Variants in CDH18 observed in about 807,000 individuals in gnomAD.
CDH18 encodes the protein cadherin 18.
CDH18 carries 31 observed loss-of-function variants against 67.9 expected under a neutral mutation model. That is an observed-to-expected ratio of 0.46 (90% CI 0.34 to 0.62). The LOEUF (loss-of-function observed/expected upper bound fraction) is 0.62. Ranked by LOEUF, CDH18 falls within the 20% of genes least tolerant of loss-of-function variation. The pLI is 0.01. For synonymous variants in CDH18, 362 were observed against 347.2 expected, an observed-to-expected ratio of 1.04 and a Z score of -0.48; for missense variants, 890 against 975.5, an observed-to-expected ratio of 0.91 and a Z score of 1.17.
chr5:20,524,031 C>T (rs1054285879), intron 1 of CDH18, among the ~76,000 whole-genome samples: 4 of 152,092 alleles, frequency 2.6e-5, no homozygotes, highest in South Asian at 2.1e-4. Context: ...TTGTGTTAAA[C>T]GGAGATAAAT....
At chr5:19,648,430 A>G (rs528294969) in intron 5 of CDH18, among the ~76,000 whole-genome samples, 1 of 152,184 alleles carries the variant, frequency 6.6e-6, no homozygotes, top group African/African-American at 2.4e-5. Context: ...ATAAATAAAT[A>G]AAATAATAAT....
intron 2 of CDH18, among the ~76,000 whole-genome samples, chr5:19,967,276 T>C (rs928830321): frequency 2.0e-5 from 3 of 151,976 alleles, no homozygotes; most frequent in African/African-American, 7.2e-5. Context: ...AGAGGAGAAA[T>C]ATTCAATATT....
chr5:19,977,605 T>A (rs760230271), intron 2 of CDH18, among the ~76,000 whole-genome samples: 1 of 152,180 alleles, frequency 6.6e-6, no homozygotes, highest in Non-Finnish European at 1.5e-5. Flanking sequence ...TATAACCAGG[T>A]ATAAGCAAAC....
At chr5:19,763,290 G>T in intron 3 of CDH18, among the ~76,000 whole-genome samples, 1 of 152,270 alleles carries the variant, frequency 6.6e-6, no homozygotes, top group African/African-American at 2.4e-5. Flanking sequence ...ATTGTTAATG[G>T]GAGCATGGAC....
chr5:20,183,338 A>G (rs905659705), intron 2 of CDH18, among the ~76,000 whole-genome samples: 5 of 152,102 alleles, frequency 3.3e-5, no homozygotes, highest in Admixed American at 3.3e-4. Flanking sequence ...TGTAATGTGT[A>G]TAACAGATTT....
rs571498832 is a variant in CDH18 at position 19,599,699 on chromosome 5, G to A, written c.812-8455C>T. 9.2e-4 allele frequency among the ~76,000 whole-genome samples: 140 copies of A among 152,086 alleles called. No homozygotes were observed. In the South Asian group the frequency reaches 1.0e-2, roughly 11 times the overall value. ...GGGCAGATCACGAGATCAAGAGATCGAGACCATCCTGGCTAACACGGTGAA... is the reference window on the plus strand; with the variant it reads ...GGGCAGATCACGAGATCAAGAGATCAAGACCATCCTGGCTAACACGGTGAA... On this transcript the variant is annotated intron_variant, in intron 6 of 12. Coordinates refer to ENST00000382275, the MANE Select transcript of CDH18 (RefSeq NM_004934.5).
intron 7 of CDH18, among the ~76,000 whole-genome samples, chr5:19,573,956 A>G (rs182135513): frequency 6.4e-4 from 98 of 152,334 alleles, no homozygotes; most frequent in African/African-American, 2.3e-3. Flanking sequence ...AGACCTTAGA[A>G]CTAAAAATCA....
At chr5:20,418,152 C>T (rs527491164) in intron 1 of CDH18, among the ~76,000 whole-genome samples, 3 of 151,134 alleles carry the variant, frequency 2.0e-5, no homozygotes, top group African/African-American at 4.9e-5. Context: ...CTTGGCTCAC[C>T]GCAACCTCCG....
chr5:20,567,363 A>T (rs1758574874), intron 1 of CDH18, among the ~76,000 whole-genome samples: 1 of 152,136 alleles, frequency 6.6e-6, no homozygotes, highest in Admixed American at 6.6e-5. Flanking sequence ...TAAACAAATG[A>T]CTTTGAAATA....
At chr5:20,334,221 C>CT (rs1248113813) in intron 1 of CDH18, among the ~76,000 whole-genome samples, 251 of 147,720 alleles carry the variant, frequency 1.7e-3, no homozygotes, top group African/African-American at 6.0e-3. Context: ...CAGGCTCCGC[C>CT]CCCTGGGGTT....
intron 5 of CDH18, among the ~76,000 whole-genome samples, chr5:19,660,119 T>C (rs1580742192): frequency 6.6e-6 from 1 of 152,134 alleles, no homozygotes. Flanking sequence ...TACGTGTATG[T>C]TCAACTGTTT....
intron 1 of CDH18, among the ~76,000 whole-genome samples, chr5:20,542,772 T>G (rs761451628): frequency 2.0e-5 from 3 of 152,056 alleles, no homozygotes; most frequent in South Asian, 2.1e-4. Flanking sequence ...CATATTTACA[T>G]GGCTGTGGTT....
At chr5:19,971,931 C>T (rs924889267) in intron 2 of CDH18, among the ~76,000 whole-genome samples, 2 of 151,648 alleles carry the variant, frequency 1.3e-5, no homozygotes, top group African/African-American at 2.4e-5. Context: ...GCTTCACCAT[C>T]GGAGTCTCCA....
chr5:19,705,100 GGCAA>G (rs1763778164), intron 5 of CDH18, among the ~76,000 whole-genome samples: 1 of 152,138 alleles, frequency 6.6e-6, no homozygotes, highest in South Asian at 2.1e-4. Flanking sequence ...ACTTATGTAC[GGCAA>G]GCAGCTGAAC....
At chr5:20,201,933 G>C (rs2126758106) in intron 2 of CDH18, among the ~76,000 whole-genome samples, 1 of 152,296 alleles carries the variant, frequency 6.6e-6, no homozygotes, top group African/African-American at 2.4e-5. Context: ...CAGCAATCCA[G>C]TGACATGAGA....
intron 1 of CDH18, among the ~76,000 whole-genome samples, chr5:20,441,604 T>C (rs1437405475): frequency 1.3e-5 from 2 of 152,036 alleles, no homozygotes; most frequent in South Asian, 4.1e-4. Flanking sequence ...ATCTGTTTAA[T>C]AGAGTCAATA....
At chr5:19,485,560 T>C (rs1205503826) in intron 11 of CDH18, among the ~76,000 whole-genome samples, 3 of 152,168 alleles carry the variant, frequency 2.0e-5, no homozygotes, top group South Asian at 4.1e-4. Context: ...TGGCCAGCTG[T>C]CTATTTTTAA....
chr5:19,668,642 A>G (rs903353734), intron 5 of CDH18, among the ~76,000 whole-genome samples: 1 of 152,148 alleles, frequency 6.6e-6, no homozygotes, highest in Non-Finnish European at 1.5e-5. Context: ...GGTTTAAAAG[A>G]TGTGTGAATG....
In CDH18 at chr5:19,714,440, T is replaced by G. The variant is rs190240789; in HGVS notation, c.643+6907A>C. Among the ~76,000 whole-genome samples, 128 of 152,220 alleles carry G rather than the reference T, an allele frequency of 8.4e-4. 2 individuals carry two copies. In the East Asian group the frequency reaches 0.019, roughly 23 times the overall value. On this transcript the variant is annotated intron_variant, in intron 5 of 12. Coordinates refer to ENST00000382275, the MANE Select transcript of CDH18 (RefSeq NM_004934.5). ...TCTACAGCTGATTTTTTTTCTTGTG[T>G]TGTTGTCCTCACACAATCTGCTGCA... is the stretch of plus-strand genomic sequence containing the variant.
Sources: allele counts gnomAD v4.1 joint callset (sites outside exome capture counted in the v4.1 genomes callset), GRCh38; gene constraint gnomAD v4.1.1; transcripts MANE v1.5; gene names NCBI Gene and HGNC (gene_info 2026-07-23, HGNC 2026-07-21).